Variants in MAMDC4 observed in about 807,000 individuals in gnomAD.
The protein encoded by MAMDC4 is apical endosomal glycoprotein.
In MAMDC4, 168 loss-of-function variants were observed where a neutral mutation model predicts 153.3. The observed-to-expected ratio is 1.10, with a 90% CI of 0.97 to 1.25. The LOEUF (loss-of-function observed/expected upper bound fraction) is 1.25, where lower values mean the gene tolerates loss of function less well. Among genes scored for constraint, MAMDC4 ranks in the 50% most tolerant of loss-of-function variants. MAMDC4 has a pLI of 0.00. For synonymous variants in MAMDC4, 744 were observed against 651.5 expected (o/e 1.14, Z -2.16); for missense variants, 1,701 against 1,542.8 (o/e 1.10, Z -1.72).
At chr9:136,858,667 C>T (rs1849043614) in intron 22 of MAMDC4, 52 bp from the exon 23 acceptor site, 1 of 1,607,318 alleles carries the variant, frequency 6.2e-7, no homozygotes, top group Non-Finnish European at 8.5e-7. Flanking sequence ...TGCTCGGGCC[C>T]TGAGGGCTGG....
chr9:136,852,916 G>A (rs898067743), intron 1 of MAMDC4, among the ~76,000 whole-genome samples, 186 bp from the exon 2 acceptor site: 3 of 152,206 alleles, frequency 2.0e-5, no homozygotes, highest in African/African-American at 4.8e-5. Flanking sequence ...AAACAGGAAC[G>A]TGCTGTGCTT....
intron 26 of MAMDC4, 35 bp from the exon 27 acceptor site, chr9:136,860,527 A>T: frequency 6.3e-7 from 1 of 1,598,282 alleles, no homozygotes; most frequent in Non-Finnish European, 8.5e-7. Flanking sequence ...GTCTCAGGAA[A>T]GAAAGAAAAA....
Position 136,856,449 on chromosome 9 carries a change from C to T in MAMDC4, c.1721-261C>T, listed in dbSNP as rs752102786. 1.3e-5 allele frequency: 10 copies of T among 783,686 alleles called. No individual in the cohort carries two copies. In the East Asian group the frequency reaches 2.0e-4, roughly 15 times the overall value. 48.5% of individuals were successfully genotyped at this position (783,686 alleles called of 1,614,324 possible). The stretch of plus-strand genomic sequence containing the variant: ...CCTGACTTAACCATCCTCCTCATCC[C>T]CCTACCCCATGAAGCTGGAGTTTGT... On this transcript the variant is annotated intron_variant, in intron 14 of 26. Coordinates refer to ENST00000317446, the MANE Select transcript of MAMDC4 (RefSeq NM_206920.3).
intron 26 of MAMDC4, among the ~76,000 whole-genome samples, 173 bp from the exon 27 acceptor site, chr9:136,860,389 C>T (rs1178721585): frequency 6.6e-6 from 1 of 152,192 alleles, no homozygotes; most frequent in Admixed American, 6.5e-5. Context: ...GGTATGGTGG[C>T]AGGAACCTGT....
chr9:136,853,590 C>T lies in MAMDC4; in HGVS notation c.374C>T (p.Thr125Ile), dbSNP rs1249404303. Residue 125 changes from threonine to isoleucine, a missense_variant, in exon 4 of 27, where the codon ACC becomes ATC. Thr to Ile is a moderately conservative substitution (Grantham distance 89, BLOSUM62 -1). Coordinates refer to ENST00000317446, the MANE Select transcript of MAMDC4 (RefSeq NM_206920.3). ...ACCCACCGAGGGAAAGAGGCATCCACCGCAGCCCTGCGCTCGCCAACCCTG... is the reference window on the plus strand; with the variant it reads ...ACCCACCGAGGGAAAGAGGCATCCATCGCAGCCCTGCGCTCGCCAACCCTG... ...VGTHRGKEAS[T>I]AALRSPTLRE... The T allele has an allele frequency of 5.0e-6, 8 of 1,612,654 alleles. No individual in the cohort carries two copies. The African/African-American group carries it at 6.7e-5, about 13-fold the overall frequency.
intron 1 of MAMDC4, 141 bp downstream of exon 1, chr9:136,852,603 C>A: frequency 1.8e-6 from 2 of 1,094,484 alleles, no homozygotes; most frequent in Non-Finnish European, 2.7e-6. Flanking sequence ...CCTTGGCCGG[C>A]CTGCAAGGGG....
chr9:136,857,559 A>G lies in MAMDC4; in HGVS notation c.2299A>G (p.Thr767Ala), dbSNP rs1322346307. 1.2e-6 allele frequency: 2 copies of G among 1,612,096 alleles called. No homozygotes were observed. Among genetic ancestry groups the G allele is most frequent in the African/African-American group, 1.3e-5 (1 of 74,926 alleles). ...GGGCCATGCTGCCTGGGGCCCCCCA[A>G]CAGACCATACCACTGAGACAGCCCA... ...ASGHAAWGPP[T>A]DHTTETAQGH... Residue 767 changes from threonine (T) to alanine (A), a missense_variant, in exon 18 of 27, where the codon ACA (threonine) becomes GCA (alanine). Physicochemically the swap from Thr to Ala is moderately conservative, Grantham distance 58. Coordinates refer to ENST00000317446, the MANE Select transcript of MAMDC4 (RefSeq NM_206920.3).
chr9:136,854,045 T>A lies in MAMDC4; in HGVS notation c.639T>A (p.Asp213Glu). ...CCCACAGGGGCGCTGTGGCTCTAGATGACCTAGAGTTCTGGGACTGTGGTC... is the reference window on the plus strand; with the variant it reads ...CCCACAGGGGCGCTGTGGCTCTAGAAGACCTAGAGTTCTGGGACTGTGGTC... ...NATHRGAVAL[D>E]DLEFWDCGLP... The change falls in exon 6 of 27, where the codon GAT becomes GAA. Residue 213 changes from aspartate to glutamate, a missense_variant. Coordinates refer to ENST00000317446, the MANE Select transcript of MAMDC4 (RefSeq NM_206920.3). 4 of 1,612,886 alleles carry A rather than the reference T, an allele frequency of 2.5e-6. No homozygotes were observed. Among genetic ancestry groups the A allele is most frequent in the Non-Finnish European group, 3.4e-6 (4 of 1,179,958 alleles).
chr9:136,858,046 G>A lies in MAMDC4; in HGVS notation c.2532G>A (p.Gly844=). 6.5e-7 allele frequency: 1 copy of A among 1,528,640 alleles called. No homozygotes were observed. Among genetic ancestry groups the A allele is most frequent in the Non-Finnish European group, 8.8e-7 (1 of 1,139,814 alleles). The allele number at this position is 1,528,640 out of a possible 1,614,324, so 94.7% of individuals were successfully genotyped here. Residue 844 remains glycine (G), a synonymous_variant, in exon 20 of 27, where the codon GGG becomes GGA. Transcript: ENST00000317446. ...TGCTCAGCCTCAGTGCCCACGGCGGGCTTGCCTGGCGCCTGGGCAGCATGG... is the reference window on the plus strand; with the variant it reads ...TGCTCAGCCTCAGTGCCCACGGCGGACTTGCCTGGCGCCTGGGCAGCATGG... ...HQVLSLSAHG[G]LAWRLGSMDV...
rs1451344464 is a variant in MAMDC4, at chr9:136,853,832, G to A, written c.510G>A (p.Trp170Ter). The part of the protein sequence containing the change: ...LTHGAETLTL[W>*]QSTGPWGPGW... Reference sequence around the variant, plus strand: ...ATGGCGCAGAGACCCTGACCCTGTGGCAGAGCACAGGGCCCTGGGGCCCTG... The same window carrying A: ...ATGGCGCAGAGACCCTGACCCTGTGACAGAGCACAGGGCCCTGGGGCCCTG... The change falls in exon 5 of 27, where the codon TGG becomes TGA. Residue 170 changes from tryptophan to a stop codon, truncating the protein, a stop_gained. Transcript: ENST00000317446. LOFTEE classifies it high-confidence loss of function. 6.4e-7 allele frequency: 1 copy of A among 1,560,912 alleles called. No homozygotes were observed. The highest frequency in any genetic ancestry group is 8.8e-7 in the Non-Finnish European group (1 of 1,134,956).
At chr9:136,853,006 C>A in intron 1 of MAMDC4, 96 bp from the exon 2 acceptor site, 2 of 1,046,268 alleles carry the variant, frequency 1.9e-6, no homozygotes, top group Non-Finnish European at 2.8e-6. Context: ...CATCCCCGGA[C>A]AAAAGATGTC....
chr9:136,853,246 GAGC>G, intron 2 of MAMDC4, 36 bp from the exon 3 acceptor site: 1 of 1,611,914 alleles, frequency 6.2e-7, no homozygotes, highest in Non-Finnish European at 8.5e-7. Context: ...GGGCCAGTGC[GAGC>G]AGGTCTGGCA....
chr9:136,859,040 C>T lies in MAMDC4; in HGVS notation c.2992C>T (p.Gln998Ter), dbSNP rs1477746644. Residue 998 changes from glutamine to a stop codon, truncating the protein, a stop_gained, in exon 24 of 27, where the codon CAG becomes TAG. Coordinates refer to ENST00000317446, the MANE Select transcript of MAMDC4 (RefSeq NM_206920.3). LOFTEE classifies it high-confidence loss of function. ...GCTGAAGGTACTGCTGCACAGTGCT[C>T]AGGGCCAGCTGGCTGTGTGGGGCGC... ...GELKVLLHSA[Q>*]GQLAVWGAGG... 4 of 1,553,476 alleles carry T rather than the reference C, an allele frequency of 2.6e-6. No homozygotes were observed. The highest frequency in any genetic ancestry group is 4.8e-5 in the East Asian group (2 of 42,012).
chr9:136,857,059 CAG>C lies in MAMDC4; in HGVS notation c.1972+19_1972+20del, dbSNP rs745615343. 8 of 1,607,086 alleles carry C rather than the reference CAG, an allele frequency of 5.0e-6. No individual in the cohort carries two copies. Among genetic ancestry groups the C allele is most frequent in the Non-Finnish European group, 6.8e-6 (8 of 1,176,246 alleles). ...CCAGATTGGTGAGTGGACCTGGAAA[CAG>C]GGCAGAGCCTGTGGGGAGGCCCCCG... On this transcript the variant is annotated intron_variant, in intron 16 of 26. Coordinates refer to ENST00000317446, the MANE Select transcript of MAMDC4 (RefSeq NM_206920.3).
chr9:136,855,425 C>G lies in MAMDC4; in HGVS notation c.1283-6C>G, dbSNP rs1183229041. ...CTGCCTCCTGACACCAGTTCTGCCC[C>G]CACAGAGGTGTCCACCCTGCAGCCG... On this transcript the variant is annotated splice_polypyrimidine_tract_variant and splice_region_variant and intron_variant, in intron 11 of 26. Transcript: ENST00000317446. 6.2e-7 allele frequency: 1 copy of G among 1,608,770 alleles called. No individual in the cohort carries two copies. The highest frequency in any genetic ancestry group is 1.7e-5 in the Admixed American group (1 of 59,712).
Position 136,855,757 on chromosome 9 carries a change from G to C in MAMDC4, c.1497G>C (p.Glu499Asp), listed in dbSNP as rs1468521769. ...GCACCACAGACTTTGAGTCCCCCGA[G>C]GCTGGGGGCTGGGAGGACGCCAGCG... ...ACGTTDFESP[E>D]AGGWEDASVG... The change falls in exon 13 of 27, where the codon GAG becomes GAC. Residue 499 changes from glutamate (E) to aspartate (D), a missense_variant. Glu to Asp is a conservative substitution (Grantham distance 45, BLOSUM62 2). Coordinates refer to ENST00000317446, the MANE Select transcript of MAMDC4 (RefSeq NM_206920.3). 1 of 1,569,672 alleles carries C rather than the reference G, an allele frequency of 6.4e-7. No homozygotes were observed. The highest frequency in any genetic ancestry group is 8.6e-7 in the Non-Finnish European group (1 of 1,158,454).
chr9:136,853,127 C>T lies in MAMDC4; in HGVS notation c.72C>T (p.Val24=). ...FLAGSSGWAW[V]PNHCRSPGQA... ...CAGGGTCCTCAGGCTGGGCCTGGGT[C>T]CCCAACCACTGCAGGAGCCCTGGCC... Residue 24 remains valine, a synonymous_variant, in exon 2 of 27, where the codon GTC becomes GTT. Transcript: ENST00000317446. 2 of 1,612,718 alleles carry T rather than the reference C, an allele frequency of 1.2e-6. No homozygotes were observed. The highest frequency in any genetic ancestry group is 1.7e-6 in the Non-Finnish European group (2 of 1,179,916).
chr9:136,852,564 C>G, intron 1 of MAMDC4, 102 bp downstream of exon 1: 1 of 1,435,330 alleles, frequency 7.0e-7, no homozygotes, highest in South Asian at 1.1e-5. Context: ...TGCCTGAGCC[C>G]CAAAGGGAAG....
At chr9:136,855,981 A>G in intron 13 of MAMDC4, 37 bp from the exon 14 acceptor site, 1 of 1,586,964 alleles carries the variant, frequency 6.3e-7, no homozygotes, top group Non-Finnish European at 8.6e-7. Context: ...GGGGCCCTGG[A>G]AGGGATGAGG....
Sources: allele counts gnomAD v4.1 joint callset (sites outside exome capture counted in the v4.1 genomes callset), GRCh38; gene constraint gnomAD v4.1.1; transcripts MANE v1.5; gene names NCBI Gene and HGNC (gene_info 2026-07-23, HGNC 2026-07-21).